Variants in PCDH9 observed in about 807,000 individuals in gnomAD.
The protein encoded by PCDH9 is protocadherin 9, also known as protocadherin-9.
In PCDH9, 24 loss-of-function variants were observed where a neutral mutation model predicts 70.6. That is an observed-to-expected ratio of 0.34 (90% CI 0.25 to 0.48). PCDH9 has a LOEUF of 0.48. Among genes scored for constraint, PCDH9 ranks in the 20% least tolerant of loss-of-function variants. PCDH9 has a pLI of 0.99. For missense variants in PCDH9, 1,281 were observed against 1,503.6 expected, an observed-to-expected ratio of 0.85 and a Z score of 2.45; for synonymous variants, 562 against 558.5, an observed-to-expected ratio of 1.01 and a Z score of -0.09.
At chr13:66,995,482 A>G (rs182105104) in intron 2 of PCDH9, among the ~76,000 whole-genome samples, 23 of 152,296 alleles carry the variant, frequency 1.5e-4, no homozygotes, top group Non-Finnish European at 2.8e-4. Context: ...AAAAAACAAC[A>G]GTAACAACAA....
chr13:67,114,486 T>C (rs1428360955), intron 2 of PCDH9, among the ~76,000 whole-genome samples: 1 of 152,244 alleles, frequency 6.6e-6, no homozygotes, highest in Non-Finnish European at 1.5e-5. Context: ...TAGTTTCATG[T>C]ACTCTTACAG....
chr13:67,084,879 A>G (rs2086063800), intron 2 of PCDH9, among the ~76,000 whole-genome samples: 1 of 146,760 alleles, frequency 6.8e-6, no homozygotes, highest in Non-Finnish European at 1.5e-5. Context: ...AGGCAGGAGA[A>G]TCGCTTAAAC....
At chr13:66,825,613 G>A (rs1169563226) in intron 3 of PCDH9, among the ~76,000 whole-genome samples, 2 of 152,006 alleles carry the variant, frequency 1.3e-5, no homozygotes, top group Non-Finnish European at 2.9e-5. Flanking sequence ...GGGATTACAG[G>A]CGTGAGCCAC....
intron 3 of PCDH9, among the ~76,000 whole-genome samples, chr13:66,838,639 C>T (rs1446582471): frequency 6.6e-6 from 1 of 151,774 alleles, no homozygotes; most frequent in African/African-American, 2.4e-5. Context: ...TACATAAAAA[C>T]CCATGTGAAT....
At chr13:66,700,933 T>C (rs1269671794) in intron 3 of PCDH9, among the ~76,000 whole-genome samples, 1 of 86,404 alleles carries the variant, frequency 1.2e-5, no homozygotes, top group Non-Finnish European at 2.4e-5. Context: ...AATATATATA[T>C]ATATATATAT....
intron 4 of PCDH9, among the ~76,000 whole-genome samples, chr13:66,338,612 C>T (rs1033488736): frequency 6.6e-6 from 1 of 150,852 alleles, no homozygotes; most frequent in African/African-American, 2.4e-5. Flanking sequence ...CTCTTCTCAG[C>T]ATAATTTATT....
chr13:67,228,631 C>A, intron 1 of PCDH9, 56 bp from the exon 2 acceptor site: 1 of 433,792 alleles, frequency 2.3e-6, no homozygotes. Context: ...AACACACCGT[C>A]ACAAAATATC....
At chr13:66,747,539 A>C (rs929099045) in intron 3 of PCDH9, among the ~76,000 whole-genome samples, 1 of 152,194 alleles carries the variant, frequency 6.6e-6, no homozygotes, top group African/African-American at 2.4e-5. Context: ...GAGAGCATAG[A>C]TTATACATGA....
At chr13:66,711,078 C>T (rs1437565618) in intron 3 of PCDH9, among the ~76,000 whole-genome samples, 1 of 152,038 alleles carries the variant, frequency 6.6e-6, no homozygotes, top group East Asian at 1.9e-4. Flanking sequence ...TTTTTGTCTA[C>T]CACTCAAACA....
chr13:66,795,510 C>T (rs2080227644), intron 3 of PCDH9, among the ~76,000 whole-genome samples: 1 of 152,032 alleles, frequency 6.6e-6, no homozygotes, highest in Non-Finnish European at 1.5e-5. Flanking sequence ...TCACAGTGCA[C>T]CATATTCCCA....
intron 3 of PCDH9, among the ~76,000 whole-genome samples, chr13:66,646,803 G>A (rs904318948): frequency 2.6e-5 from 4 of 152,118 alleles, no homozygotes; most frequent in Admixed American, 6.6e-5. Flanking sequence ...GTTGAAGAGG[G>A]GTAGAAAAGA....
chr13:67,171,098 C>T (rs771575358), intron 2 of PCDH9, among the ~76,000 whole-genome samples: 51 of 152,040 alleles, frequency 3.4e-4, no homozygotes, highest in Admixed American at 1.6e-3. Flanking sequence ...CATAGCATAC[C>T]GAAATCCATT....
intron 2 of PCDH9, among the ~76,000 whole-genome samples, chr13:67,152,927 C>T (rs181324945): frequency 1.4e-3 from 220 of 152,164 alleles, no homozygotes; most frequent in African/African-American, 5.1e-3. Context: ...CTTTCTAAAA[C>T]GCATAGAGGG....
At chr13:66,387,565 C>A (rs1452164884) in intron 4 of PCDH9, among the ~76,000 whole-genome samples, 1 of 148,112 alleles carries the variant, frequency 6.8e-6, no homozygotes, top group South Asian at 2.1e-4. Flanking sequence ...AAAAAAAAGT[C>A]CAGCACCTTC....
chr13:66,400,559 CA>C (rs1446507765), intron 4 of PCDH9, among the ~76,000 whole-genome samples: 1 of 152,058 alleles, frequency 6.6e-6, no homozygotes, highest in East Asian at 1.9e-4. Context: ...TAATAAATAG[CA>C]GGAGTGACAG....
intron 3 of PCDH9, among the ~76,000 whole-genome samples, chr13:66,823,821 T>C (rs1042158631): frequency 1.3e-5 from 2 of 152,154 alleles, no homozygotes; most frequent in African/African-American, 2.4e-5. Flanking sequence ...ATAAAAAGGC[T>C]TGTTCTAGTA....
At chr13:66,377,622 T>C (rs1218804155) in intron 4 of PCDH9, among the ~76,000 whole-genome samples, 23 of 152,246 alleles carry the variant, frequency 1.5e-4, no homozygotes, top group Middle Eastern at 3.4e-3. Context: ...GTCAATAATA[T>C]GAAAGGACTT....
chr13:66,976,874 A>AT (rs1417716989), intron 2 of PCDH9, among the ~76,000 whole-genome samples: 1 of 152,048 alleles, frequency 6.6e-6, no homozygotes, highest in Non-Finnish European at 1.5e-5. Context: ...CTTTATTATC[A>AT]TTTTTTCATT....
intron 3 of PCDH9, among the ~76,000 whole-genome samples, chr13:66,829,904 C>T (rs981933099): frequency 4.6e-5 from 7 of 151,474 alleles, no homozygotes; most frequent in Non-Finnish European, 1.0e-4. Flanking sequence ...TACATTTGAC[C>T]CTAAGGCTAA....
Sources: gnomAD v4.1 joint callset for allele counts (sites outside exome capture counted in the v4.1 genomes callset) on GRCh38, gnomAD v4.1.1 for gene constraint, MANE v1.5 for transcripts, NCBI Gene and HGNC (gene_info 2026-07-23, HGNC 2026-07-21) for gene names.